PRDM5: variants seen among roughly 807,000 people sequenced by gnomAD.
PRDM5 encodes PR/SET domain 5, also known as PR domain zinc finger protein 5.
In PRDM5, 56 loss-of-function variants were observed where a neutral mutation model predicts 81.2. The ratio of observed to expected loss-of-function variants is 0.69; its 90% CI spans 0.56 to 0.86. The LOEUF is 0.86. Among genes scored for constraint, PRDM5 ranks in the 40% least tolerant of loss-of-function variants. The probability of loss-of-function intolerance (pLI) is 0.00; values close to 1 mark genes in which losing one functional copy is unlikely to be tolerated. For missense variants in PRDM5, 697 were observed against 770.1 expected (o/e 0.91, Z 1.12); for synonymous variants, 267 against 256.4 (o/e 1.04, Z -0.39).
intron 14 of PRDM5, among the ~76,000 whole-genome samples, chr4:120,751,805 C>A (rs1395297361): frequency 6.6e-6 from 1 of 152,136 alleles, no homozygotes; most frequent in Admixed American, 6.5e-5. Context: ...GGAAAGCATT[C>A]GTGCAGTCAC....
At chr4:120,811,639 G>A (rs1753851219) in intron 7 of PRDM5, among the ~76,000 whole-genome samples, 190 bp from the exon 8 acceptor site, 1 of 151,934 alleles carries the variant, frequency 6.6e-6, no homozygotes. Context: ...TTTAATTAGA[G>A]AAAAGACATA....
intron 14 of PRDM5, among the ~76,000 whole-genome samples, chr4:120,718,626 G>C (rs1351592202): frequency 6.6e-6 from 1 of 152,074 alleles, no homozygotes; most frequent in Non-Finnish European, 1.5e-5. Flanking sequence ...AGAGAAGTTT[G>C]CCTTAACAAA....
intron 10 of PRDM5, among the ~76,000 whole-genome samples, chr4:120,797,670 T>C (rs555149046): frequency 4.6e-5 from 7 of 152,316 alleles, no homozygotes; most frequent in African/African-American, 1.4e-4. Flanking sequence ...TTCTGGGGCA[T>C]GCTGAATTCA....
chr4:120,723,921 G>C (rs1477657945), intron 14 of PRDM5, among the ~76,000 whole-genome samples: 1 of 102,282 alleles, frequency 9.8e-6, no homozygotes, highest in East Asian at 3.0e-4. Context: ...AAGATAGCTT[G>C]AATTTTTTTT....
At chr4:120,787,817 T>A (rs189251995) in intron 10 of PRDM5, among the ~76,000 whole-genome samples, 1 of 152,260 alleles carries the variant, frequency 6.6e-6, no homozygotes, top group East Asian at 1.9e-4. Flanking sequence ...TTACGAGATG[T>A]CTAGCACTAC....
rs980905013 is a variant in PRDM5 at position 120,909,909 on chromosome 4, T to C, written c.94-2352A>G. On this transcript the variant is annotated intron_variant, in intron 1 of 15. Transcript: ENST00000264808. ...GTTTTTAGCTTTAAGAAATGTATTTTGTATCTCAACTTAGCACATTCACAC... is the reference window on the plus strand; with the variant it reads ...GTTTTTAGCTTTAAGAAATGTATTTCGTATCTCAACTTAGCACATTCACAC... Among the ~76,000 whole-genome samples the C allele has an allele frequency of 3.3e-5, 5 of 152,158 alleles. No homozygotes were observed. The East Asian group carries it at 9.6e-4, about 29-fold the overall frequency.
At chr4:120,755,285 T>C (rs1023315413) in intron 13 of PRDM5, among the ~76,000 whole-genome samples, 7 of 152,228 alleles carry the variant, frequency 4.6e-5, no homozygotes, top group African/African-American at 1.7e-4. Flanking sequence ...AAAAAAATTC[T>C]ACTGTGAAAT....
intron 14 of PRDM5, among the ~76,000 whole-genome samples, chr4:120,729,051 T>C (rs1739869446): frequency 6.6e-6 from 1 of 152,126 alleles, no homozygotes; most frequent in Non-Finnish European, 1.5e-5. Context: ...TTCCCTCTAA[T>C]GAATTATGGT....
At chr4:120,696,147 T>G (rs994835206) in intron 15 of PRDM5, among the ~76,000 whole-genome samples, 5 of 152,074 alleles carry the variant, frequency 3.3e-5, no homozygotes, top group African/African-American at 9.7e-5. Context: ...CTCAGGGCCC[T>G]AATTGGGTAA....
intron 3 of PRDM5, among the ~76,000 whole-genome samples, chr4:120,832,058 C>T (rs1418439307): frequency 6.6e-6 from 1 of 152,142 alleles, no homozygotes. Context: ...GAATCCCCAA[C>T]TGGGTTGGAA....
intron 10 of PRDM5, among the ~76,000 whole-genome samples, chr4:120,793,029 G>A (rs1422974954): frequency 3.9e-5 from 6 of 152,166 alleles, no homozygotes; most frequent in Non-Finnish European, 8.8e-5. Flanking sequence ...CCCCAACCCT[G>A]CTACAGCAGG....
intron 10 of PRDM5, among the ~76,000 whole-genome samples, chr4:120,787,880 G>C (rs58187778): frequency 0.073 from 11,167 of 152,154 alleles, 758 homozygotes; most frequent in African/African-American, 0.18. Context: ...GGAGATGTCA[G>C]ATTACATATG....
intron 7 of PRDM5, among the ~76,000 whole-genome samples, chr4:120,815,561 A>G (rs755158001): frequency 6.6e-6 from 1 of 152,254 alleles, no homozygotes; most frequent in Non-Finnish European, 1.5e-5. Context: ...CAGGATACAG[A>G]TGCTGGGTGC....
Position 120,797,693 on chromosome 4 carries a change from G to C in PRDM5, c.1188+574C>G, listed in dbSNP as rs181128925. On this transcript the variant is annotated intron_variant, in intron 10 of 15. Transcript: ENST00000264808. ...CATGCTGAATTCATTATGTCGAAAAGATGCCCAGTTATAAATGTGAGTCTG... is the reference window on the plus strand; with the variant it reads ...CATGCTGAATTCATTATGTCGAAAACATGCCCAGTTATAAATGTGAGTCTG... 2.6e-5 allele frequency among the ~76,000 whole-genome samples: 4 copies of C among 152,308 alleles called. No individual in the cohort carries two copies. The East Asian group carries it at 5.8e-4, about 22-fold the overall frequency.
intron 14 of PRDM5, among the ~76,000 whole-genome samples, chr4:120,711,301 T>C (rs1231807669): frequency 6.6e-6 from 1 of 152,144 alleles, no homozygotes; most frequent in Non-Finnish European, 1.5e-5. Context: ...GATTTATGTA[T>C]TTCCTTTTTG....
chr4:120,888,145 G>A (rs1461609192), intron 2 of PRDM5, among the ~76,000 whole-genome samples: 1 of 152,044 alleles, frequency 6.6e-6, no homozygotes, highest in Non-Finnish European at 1.5e-5. Flanking sequence ...ACTTTTTATT[G>A]AAGTGTCACA....
intron 2 of PRDM5, among the ~76,000 whole-genome samples, chr4:120,866,981 T>C (rs1761252780): frequency 6.6e-6 from 1 of 152,174 alleles, no homozygotes. Flanking sequence ...GGATTTGACA[T>C]ATTGCTGAGA....
intron 14 of PRDM5, among the ~76,000 whole-genome samples, chr4:120,740,856 A>G (rs893681999): frequency 1.3e-5 from 2 of 152,216 alleles, no homozygotes; most frequent in African/African-American, 4.8e-5. Context: ...AAATGTTTTC[A>G]CAATTCATAC....
intron 14 of PRDM5, among the ~76,000 whole-genome samples, chr4:120,714,167 T>A (rs1737413945): frequency 6.6e-6 from 1 of 152,206 alleles, no homozygotes; most frequent in African/African-American, 2.4e-5. Flanking sequence ...ATTAACAATT[T>A]CTTTACTTTT....
Sources: allele counts gnomAD v4.1 joint callset (sites outside exome capture counted in the v4.1 genomes callset), GRCh38; gene constraint gnomAD v4.1.1; transcripts MANE v1.5; gene names NCBI Gene and HGNC (gene_info 2026-07-23, HGNC 2026-07-21).